The following DNER variants were observed in gnomAD, a reference collection of about 807,000 sequenced individuals.
The protein encoded by DNER is delta/notch like EGF repeat containing.
In DNER, 33 loss-of-function variants were observed where a neutral mutation model predicts 78.2. The ratio of observed to expected loss-of-function variants is 0.42; its 90% CI spans 0.32 to 0.56. The LOEUF (loss-of-function observed/expected upper bound fraction) is 0.56, where lower values mean the gene tolerates loss of function less well. DNER is among the 20% of genes least tolerant of loss of function. DNER has a pLI of 0.11. For missense variants in DNER, 918 were observed against 975.3 expected (o/e 0.94, Z 0.78); for synonymous variants, 417 against 384.8 (o/e 1.08, Z -0.98).
chr2:229,600,215 GCTTTATTGGAATACAA>G (rs1697802391), intron 1 of DNER, among the ~76,000 whole-genome samples: 1 of 152,164 alleles, frequency 6.6e-6, no homozygotes, highest in Non-Finnish European at 1.5e-5. Context: ...TGTAAATAAA[GCTTTATTGGAATACAA>G]CCACAGCCAC....
At chr2:229,673,268 T>C (rs566248734) in intron 1 of DNER, among the ~76,000 whole-genome samples, 27 of 152,272 alleles carry the variant, frequency 1.8e-4, no homozygotes, top group African/African-American at 6.0e-4. Flanking sequence ...GGTATTGAGA[T>C]TGGAAGAGCG....
rs530543829 is a variant in DNER at position 229,601,758 on chromosome 2, G to T, written c.277-9870C>A. Reference sequence around the variant, plus strand: ...TCATGCTGTCTCTTTAAAACATACTGCATTTGGAAATTACCTTGAAATCTC... The same window carrying T: ...TCATGCTGTCTCTTTAAAACATACTTCATTTGGAAATTACCTTGAAATCTC... On this transcript the variant is annotated intron_variant, in intron 1 of 12. Transcript: ENST00000341772. Among the ~76,000 whole-genome samples the T allele has an allele frequency of 2.0e-5, 3 of 152,138 alleles. No individual in the cohort carries two copies. The South Asian group carries it at 6.2e-4, about 32-fold the overall frequency.
intron 1 of DNER, among the ~76,000 whole-genome samples, chr2:229,672,187 G>A (rs1559203684): frequency 2.6e-5 from 4 of 152,256 alleles, no homozygotes; most frequent in South Asian, 2.1e-4. Flanking sequence ...GCAGCACGGC[G>A]GCCAAGGCTG....
At chr2:229,408,096 A>G (rs1295119963) in intron 9 of DNER, among the ~76,000 whole-genome samples, 2 of 152,126 alleles carry the variant, frequency 1.3e-5, no homozygotes, top group Non-Finnish European at 2.9e-5. Flanking sequence ...TTAACAAAGA[A>G]GAGGCATTTT....
At chr2:229,472,726 T>C (rs1053215117) in intron 7 of DNER, among the ~76,000 whole-genome samples, 10 of 152,236 alleles carry the variant, frequency 6.6e-5, no homozygotes, top group African/African-American at 2.2e-4. Flanking sequence ...TCTTTGCTGT[T>C]ATCATTCAAT....
intron 1 of DNER, among the ~76,000 whole-genome samples, chr2:229,683,088 C>G (rs1385156761): frequency 6.6e-6 from 1 of 152,122 alleles, no homozygotes; most frequent in African/African-American, 2.4e-5. Flanking sequence ...CACAGGTAAA[C>G]AAATTAATAA....
chr2:229,431,584 G>C lies in DNER; in HGVS notation c.1487-13354C>G, dbSNP rs577228823. On this transcript the variant is annotated intron_variant, in intron 8 of 12. Coordinates refer to ENST00000341772, the MANE Select transcript of DNER (RefSeq NM_139072.4). ...ACTTATTATCTAGGCAAGTGAAAAA[G>C]GAAAAAAAAAAAGTTACTCAGGAGT... Among the ~76,000 whole-genome samples the C allele has an allele frequency of 1.7e-3, 219 of 128,688 alleles. 3 individuals carry two copies. The Middle Eastern group carries it at 0.026, about 15-fold the overall frequency. 84.4% of individuals were successfully genotyped at this position (128,688 alleles called of 152,430 possible). A position where few individuals can be genotyped will look rare whatever the true frequency, so the allele number is the denominator to read the frequency against.
intron 4 of DNER, among the ~76,000 whole-genome samples, chr2:229,549,151 A>G (rs1345822895): frequency 6.6e-6 from 1 of 152,186 alleles, no homozygotes; most frequent in Non-Finnish European, 1.5e-5. Context: ...GAAACACACC[A>G]AATTCAGGAA....
chr2:229,504,511 T>C (rs2894685), intron 6 of DNER, among the ~76,000 whole-genome samples: 5,004 of 152,284 alleles, frequency 0.033, 231 homozygotes, highest in East Asian at 0.16. Flanking sequence ...TGAGCCACCA[T>C]GCCCGGCCCT....
At chr2:229,425,211 G>T (rs562062577) in intron 8 of DNER, among the ~76,000 whole-genome samples, 1 of 152,102 alleles carries the variant, frequency 6.6e-6, no homozygotes, top group Non-Finnish European at 1.5e-5. Context: ...TCTGGGACTG[G>T]CTCATACCAA....
chr2:229,698,742 T>C (rs1445793840), intron 1 of DNER, among the ~76,000 whole-genome samples: 3 of 152,152 alleles, frequency 2.0e-5, no homozygotes, highest in Admixed American at 1.3e-4. Flanking sequence ...AATAATAATA[T>C]GGAATTTACT....
At chr2:229,367,727 C>A (rs1191034580) in intron 11 of DNER, among the ~76,000 whole-genome samples, 1 of 152,184 alleles carries the variant, frequency 6.6e-6, no homozygotes, top group East Asian at 1.9e-4. Context: ...CCTCTATCAG[C>A]TCCCAAATAT....
intron 11 of DNER, among the ~76,000 whole-genome samples, chr2:229,374,426 C>A (rs1437342668): frequency 6.6e-6 from 1 of 152,084 alleles, no homozygotes; most frequent in Non-Finnish European, 1.5e-5. Context: ...TTGGAAGTAC[C>A]TTTAAGACAC....
At position 229,510,375 on chromosome 2, in the gene DNER, C is replaced by T. The variant is rs113950139; in HGVS notation, c.1147+2408G>A. Among the ~76,000 whole-genome samples, 391 of 152,322 alleles carry T rather than the reference C, an allele frequency of 2.6e-3. 3 individuals are homozygous for T. The highest frequency in any genetic ancestry group is 9.0e-3 in the African/African-American group (375 of 41,578). On this transcript the variant is annotated intron_variant, in intron 6 of 12. Coordinates refer to ENST00000341772, the MANE Select transcript of DNER (RefSeq NM_139072.4). ...GGCATGGATGAGGCAAAGGCCGATG[C>T]CCACTTTGACATGAGAACCCTGGCT...
intron 1 of DNER, among the ~76,000 whole-genome samples, chr2:229,710,198 A>G (rs894983488): frequency 3.3e-5 from 5 of 152,204 alleles, no homozygotes; most frequent in African/African-American, 9.7e-5. Flanking sequence ...ATTCCAGCTG[A>G]GCACACTCAT....
intron 1 of DNER, among the ~76,000 whole-genome samples, chr2:229,686,702 T>C (rs1393269134): frequency 6.6e-6 from 1 of 152,162 alleles, no homozygotes; most frequent in Non-Finnish European, 1.5e-5. Flanking sequence ...ATCCTGCTGA[T>C]AGAGGAGTGA....
intron 1 of DNER, among the ~76,000 whole-genome samples, chr2:229,658,222 G>A (rs1344769878): frequency 6.6e-6 from 1 of 152,180 alleles, no homozygotes; most frequent in Non-Finnish European, 1.5e-5. Context: ...TCTCTCAGCT[G>A]ACTCTCTGAC....
At chr2:229,639,909 G>A (rs1397932876) in intron 1 of DNER, among the ~76,000 whole-genome samples, 2 of 152,162 alleles carry the variant, frequency 1.3e-5, no homozygotes, top group Non-Finnish European at 2.9e-5. Context: ...AACCCAGAAT[G>A]CAAGCTCTGG....
chr2:229,609,059 CT>C (rs1697997771), intron 1 of DNER, among the ~76,000 whole-genome samples: 1 of 152,096 alleles, frequency 6.6e-6, no homozygotes, highest in Admixed American at 6.5e-5. Context: ...CCCATCTCTA[CT>C]AAGAATACAA....
Sources: gnomAD v4.1 joint callset for allele counts (sites outside exome capture counted in the v4.1 genomes callset) on GRCh38, gnomAD v4.1.1 for gene constraint, MANE v1.5 for transcripts, NCBI Gene and HGNC (gene_info 2026-07-23, HGNC 2026-07-21) for gene names.